Variants in FBXO38 observed in about 807,000 individuals in gnomAD.
The protein encoded by FBXO38 is F-box protein 38, also known as F-box only protein 38.
In FBXO38, 53 loss-of-function variants were observed where a neutral mutation model predicts 131.9. The observed-to-expected ratio is 0.40, with a 90% confidence interval of 0.32 to 0.51. FBXO38 has a LOEUF of 0.51. FBXO38 is among the 20% of genes least tolerant of loss of function. FBXO38 has a pLI of 0.53. For missense variants in FBXO38, 1,076 were observed against 1,475.6 expected (o/e 0.73, Z 4.44); for synonymous variants, 452 against 505.6 (o/e 0.89, Z 1.42).
chr5:148,418,285 C>T (rs1308258114), intron 12 of FBXO38, among the ~76,000 whole-genome samples: 1 of 152,178 alleles, frequency 6.6e-6, no homozygotes, highest in African/African-American at 2.4e-5. Context: ...ACCTCATTTT[C>T]CTTTGCTTGT....
rs534281580 is a variant in FBXO38 at position 148,406,711 on chromosome 5, C to T, written c.868+317C>T. Among the ~76,000 whole-genome samples, 8 of 152,148 alleles carry T rather than the reference C, an allele frequency of 5.3e-5. No individual in the cohort carries two copies. In the South Asian group the frequency reaches 8.3e-4, roughly 16 times the overall value. Reference sequence around the variant, plus strand: ...TAGAAATGTTAACAGGGATTTCTAGCGTTCTTTGGTGATGTTTTACAACTT... The same window carrying T: ...TAGAAATGTTAACAGGGATTTCTAGTGTTCTTTGGTGATGTTTTACAACTT... On this transcript the variant is annotated intron_variant, in intron 7 of 21. Transcript: ENST00000340253.
intron 3 of FBXO38, among the ~76,000 whole-genome samples, chr5:148,400,503 G>A (rs1441314548): frequency 2.6e-5 from 4 of 152,038 alleles, no homozygotes; most frequent in African/African-American, 9.7e-5. Flanking sequence ...AATAACCTGT[G>A]AGCCCAAGGC....
chr5:148,438,459 C>T lies in FBXO38; in HGVS notation c.2985C>T (p.Pro995=), dbSNP rs144172824. 6.1e-5 allele frequency: 99 copies of T among 1,613,866 alleles called. No individual in the cohort carries two copies. The African/African-American group carries it at 8.3e-4, about 13-fold the overall frequency. The part of the protein sequence containing the change: ...QVLDQILRMP[P]ERNRIIYLRP... The stretch of plus-strand genomic sequence containing the variant: ...TAGACCAGATACTAAGAATGCCACC[C>T]GAGAGAAACCGCATCATATACCTAC... Residue 995 remains proline (P), a synonymous_variant, in exon 18 of 22, where the codon CCC becomes CCT. Transcript: ENST00000340253.
Position 148,427,220 on chromosome 5 carries a change from A to G in FBXO38, c.1926A>G (p.Gly642=), listed in dbSNP as rs1048974063. ...TTCTTTTTCTATAAGCAGTAAGTGGAAAAGGCAAGACTCCACTTCGAAAGA... is the reference window on the plus strand; with the variant it reads ...TTCTTTTTCTATAAGCAGTAAGTGGGAAAGGCAAGACTCCACTTCGAAAGA... ...SVQSRELSVS[G]KGKTPLRKRY... Residue 642 remains glycine, a synonymous_variant, in exon 15 of 22, where the codon GGA becomes GGG. Coordinates refer to ENST00000340253, the MANE Select transcript of FBXO38 (RefSeq NM_205836.3). The G allele has an allele frequency of 6.3e-7, 1 of 1,582,068 alleles. No individual in the cohort carries two copies. Among genetic ancestry groups the G allele is most frequent in the East Asian group, 2.3e-5 (1 of 44,378 alleles).
chr5:148,424,444 G>T (rs1417108117), intron 13 of FBXO38, among the ~76,000 whole-genome samples: 1 of 152,106 alleles, frequency 6.6e-6, no homozygotes, highest in African/African-American at 2.4e-5. Flanking sequence ...TTCTGCTATT[G>T]CCCTCCCCTC....
chr5:148,399,626 A>G (rs1022330262), intron 3 of FBXO38: 2 of 152,954 alleles, frequency 1.3e-5, no homozygotes. Context: ...CGAATAAGCC[A>G]CTGACTGACC....
chr5:148,411,343 AT>A (rs1226914035), intron 9 of FBXO38, among the ~76,000 whole-genome samples: 1 of 152,170 alleles, frequency 6.6e-6, no homozygotes, highest in East Asian at 1.9e-4. Flanking sequence ...ATGCATGTCA[AT>A]TCATTACTCA....
chr5:148,428,169 G>T (rs2113631375), intron 15 of FBXO38, among the ~76,000 whole-genome samples: 1 of 152,316 alleles, frequency 6.6e-6, no homozygotes, highest in South Asian at 2.1e-4. Flanking sequence ...AAATAGTTCA[G>T]CTTTTAAGGA....
At chr5:148,389,750 C>T (rs150912986) in intron 1 of FBXO38, 2,308 of 152,302 alleles carry the variant, frequency 0.015, 32 homozygotes, top group South Asian at 0.056. Context: ...GGATACCGGC[C>T]GGGCGTGGTG....
chr5:148,430,331 TTTTTTTTATTTTTTTTTGAGACG>T (rs1309642032), intron 15 of FBXO38: 1 of 135,254 alleles, frequency 7.4e-6, no homozygotes, highest in Admixed American at 7.5e-5. Flanking sequence ...ATTTTTTATT[TTTTTTTTATTTTTTTTTGAGACG>T]GAGTCTTGCT....
intron 9 of FBXO38, chr5:148,413,899 A>T (rs1284157466): frequency 2.8e-6 from 1 of 363,276 alleles, no homozygotes; most frequent in African/African-American, 2.1e-5. Flanking sequence ...ACAATTGGAA[A>T]TAATTTTTCC....
chr5:148,409,320 T>A (rs1034344121), intron 8 of FBXO38, 103 bp downstream of exon 8: 4 of 751,180 alleles, frequency 5.3e-6, no homozygotes, highest in Non-Finnish European at 9.5e-6. Flanking sequence ...GTGTGTACAT[T>A]TGATCAAGCC....
chr5:148,429,332 A>AT (rs34170712), intron 15 of FBXO38, among the ~76,000 whole-genome samples: 38,970 of 147,472 alleles, frequency 0.26, 4,986 homozygotes, highest in South Asian at 0.29. Flanking sequence ...GTGGGAGCTA[A>AT]TTTTTTTTTT....
rs760782381 is a variant in FBXO38, at chr5:148,438,469, C to T, written c.2995C>T (p.Arg999Cys). 4 of 1,613,760 alleles carry T rather than the reference C, an allele frequency of 2.5e-6. No individual in the cohort carries two copies. The highest frequency in any genetic ancestry group is 2.2e-5 in the East Asian group (1 of 44,892). ...QILRMPPERN[R>C]IIYLRPMQQV... ...ACTAAGAATGCCACCCGAGAGAAACCGCATCATATACCTACGCCCAATGCA... is the reference window on the plus strand; with the variant it reads ...ACTAAGAATGCCACCCGAGAGAAACTGCATCATATACCTACGCCCAATGCA... The change falls in exon 18 of 22, where the codon CGC becomes TGC. Residue 999 changes from arginine (R) to cysteine (C), a missense_variant. By Grantham distance (180) the Arg-to-Cys change is radical. Transcript: ENST00000340253.
intron 4 of FBXO38, 83 bp from the exon 5 acceptor site, chr5:148,402,265 T>G (rs952233489): frequency 1.3e-6 from 2 of 1,540,310 alleles, no homozygotes; most frequent in Non-Finnish European, 8.8e-7. Context: ...AGTTCCATTG[T>G]GTACTTAGCA....
rs1262085924 is a variant in FBXO38 at position 148,442,169 on chromosome 5, C to T, written c.*22C>T. On this transcript the variant is annotated 3_prime_UTR_variant, in exon 22 of 22. Coordinates refer to ENST00000340253, the MANE Select transcript of FBXO38 (RefSeq NM_205836.3). ...TTAATTGGTCCCTCCTCCTTTCCAG[C>T]TATTTTGTCAGAAAGCAAGTAGGGC... The T allele has an allele frequency of 1.9e-6, 3 of 1,607,404 alleles. No individual in the cohort carries two copies. The African/African-American group carries it at 4.0e-5, about 21-fold the overall frequency.
At chr5:148,438,206 G>A in intron 17 of FBXO38, 126 bp from the exon 18 acceptor site, 1 of 791,244 alleles carries the variant, frequency 1.3e-6, no homozygotes, top group East Asian at 2.9e-5. Flanking sequence ...ACTGTGATTT[G>A]TACTCTATGA....
At chr5:148,411,619 T>C (rs905157226) in intron 9 of FBXO38, among the ~76,000 whole-genome samples, 1 of 152,104 alleles carries the variant, frequency 6.6e-6, no homozygotes, top group Non-Finnish European at 1.5e-5. Context: ...ACAATAATAG[T>C]TGTGGGTTTT....
intron 10 of FBXO38, among the ~76,000 whole-genome samples, chr5:148,414,679 G>A (rs1752952610): frequency 6.6e-6 from 1 of 152,160 alleles, no homozygotes; most frequent in Non-Finnish European, 1.5e-5. Flanking sequence ...AAAGGACAAA[G>A]TAGGTATGTA....
Sources: gnomAD v4.1 joint callset for allele counts (sites outside exome capture counted in the v4.1 genomes callset) on GRCh38, gnomAD v4.1.1 for gene constraint, MANE v1.5 for transcripts, NCBI Gene and HGNC (gene_info 2026-07-23, HGNC 2026-07-21) for gene names.